The following ARNT2 variants were observed in gnomAD, a reference collection of about 807,000 sequenced individuals.
ARNT2 encodes the protein ARNT protein 2.
ARNT2 carries 36 observed loss-of-function variants against 91.7 expected under a neutral mutation model. That is an observed-to-expected ratio of 0.39 (90% CI 0.30 to 0.52). The LOEUF is 0.52. Among genes scored for constraint, ARNT2 ranks in the 20% least tolerant of loss-of-function variants. ARNT2 has a pLI of 0.72. For missense variants in ARNT2, 775 were observed against 939.3 expected, an observed-to-expected ratio of 0.83 and a Z score of 2.29; for synonymous variants, 365 against 347.1, an observed-to-expected ratio of 1.05 and a Z score of -0.57.
chr15:80,575,028 G>C lies in ARNT2; in HGVS notation c.1431G>C (p.Gly477=). ...TACCAGCCGGTGTTCATGAGGCCGG[G>C]AAGTCCGTGGAAAAGGCGGATGCAA... is the stretch of plus-strand genomic sequence containing the variant. ...PNLPAGVHEA[G]KSVEKADAIF... Residue 477 remains glycine, a synonymous_variant, in exon 14 of 19, where the codon GGG becomes GGC. Transcript: ENST00000303329. 6.2e-7 allele frequency: 1 copy of C among 1,614,234 alleles called. No homozygotes were observed. Among genetic ancestry groups the C allele is most frequent in the Admixed American group, 1.7e-5 (1 of 60,032 alleles).
chr15:80,581,488 C>T, intron 17 of ARNT2, 84 bp downstream of exon 17: 9 of 1,553,638 alleles, frequency 5.8e-6, no homozygotes, highest in Non-Finnish European at 7.9e-6. Context: ...GGCTGAGCTC[C>T]AAGCTCCCAG....
chr15:80,526,999 G>C (rs548199366), intron 8 of ARNT2, among the ~76,000 whole-genome samples: 283 of 152,302 alleles, frequency 1.9e-3, no homozygotes, highest in African/African-American at 6.3e-3. Context: ...TGCCCATGTG[G>C]CATGAGTACA....
chr15:80,573,707 T>C (rs1473119598), intron 12 of ARNT2, among the ~76,000 whole-genome samples: 1 of 152,214 alleles, frequency 6.6e-6, no homozygotes, highest in Non-Finnish European at 1.5e-5. Context: ...TCTTTGAACT[T>C]CAGTTTCTTA....
At chr15:80,516,732 G>T (rs1454887342) in intron 8 of ARNT2, among the ~76,000 whole-genome samples, 1 of 147,962 alleles carries the variant, frequency 6.8e-6, no homozygotes, top group African/African-American at 2.5e-5. Context: ...TTGTTTCTTT[G>T]CCTCTTTTTT....
At chr15:80,419,656 C>A (rs28707200) in intron 1 of ARNT2, among the ~76,000 whole-genome samples, 3,364 of 152,234 alleles carry the variant, frequency 0.022, 83 homozygotes, top group South Asian at 0.063. Flanking sequence ...CCTGGGACAC[C>A]CCTACCTTTT....
intron 5 of ARNT2, among the ~76,000 whole-genome samples, chr15:80,483,781 T>C (rs551910493): frequency 6.6e-6 from 1 of 152,322 alleles, no homozygotes; most frequent in Non-Finnish European, 1.5e-5. Flanking sequence ...TCCTGGAACG[T>C]GTGTGCCTGG....
chr15:80,445,488 G>A (rs1896284012), intron 1 of ARNT2, among the ~76,000 whole-genome samples: 1 of 150,802 alleles, frequency 6.6e-6, no homozygotes, highest in Admixed American at 6.6e-5. Context: ...GGGGTGTGTG[G>A]TGTGTGTGAG....
intron 5 of ARNT2, among the ~76,000 whole-genome samples, chr15:80,483,109 T>C (rs1011734011): frequency 7.9e-5 from 12 of 152,202 alleles, no homozygotes. Flanking sequence ...GTAAAATCTG[T>C]TAAGTGTGTT....
At chr15:80,481,434 G>C (rs1896887172) in intron 5 of ARNT2, among the ~76,000 whole-genome samples, 1 of 152,156 alleles carries the variant, frequency 6.6e-6, no homozygotes, top group Admixed American at 6.5e-5. Flanking sequence ...ATCACAGCTG[G>C]GTGGGTGGCT....
chr15:80,580,376 T>C (rs1898770329), intron 15 of ARNT2, 35 bp from the exon 16 acceptor site: 1 of 1,612,902 alleles, frequency 6.2e-7, no homozygotes, highest in Non-Finnish European at 8.5e-7. Context: ...AAACCAGGTG[T>C]GTCCTCGGGA....
At chr15:80,495,801 C>T (rs1897118683) in intron 5 of ARNT2, among the ~76,000 whole-genome samples, 1 of 152,194 alleles carries the variant, frequency 6.6e-6, no homozygotes, top group African/African-American at 2.4e-5. Context: ...CAGACCCCTC[C>T]TTCCACTTTC....
chr15:80,593,554 C>T, intron 18 of ARNT2, 46 bp from the exon 19 acceptor site: 1 of 1,475,152 alleles, frequency 6.8e-7, no homozygotes, highest in Non-Finnish European at 9.3e-7. Flanking sequence ...AGTGCACGGA[C>T]AGAGGAGCTG....
intron 6 of ARNT2, among the ~76,000 whole-genome samples, chr15:80,512,307 C>A (rs1014612848): frequency 1.3e-5 from 2 of 152,216 alleles, no homozygotes; most frequent in African/African-American, 4.8e-5. Context: ...AATGGCCCTT[C>A]AGGGATTTGA....
chr15:80,473,743 G>C (rs1337047916), intron 4 of ARNT2, among the ~76,000 whole-genome samples: 1 of 152,148 alleles, frequency 6.6e-6, no homozygotes, highest in Non-Finnish European at 1.5e-5. Flanking sequence ...CATTTACAAA[G>C]CTCCCTGGGT....
intron 5 of ARNT2, chr15:80,487,676 C>G (rs1896998304): frequency 1.3e-5 from 2 of 152,276 alleles, no homozygotes; most frequent in Admixed American, 1.3e-4. Flanking sequence ...ACCCTGAAAC[C>G]AGACCAGGGC....
At chr15:80,486,854 C>T (rs1254173736) in intron 5 of ARNT2, among the ~76,000 whole-genome samples, 2 of 152,136 alleles carry the variant, frequency 1.3e-5, no homozygotes, top group Non-Finnish European at 2.9e-5. Flanking sequence ...ATTTGATTTG[C>T]CCCACCATGT....
intron 13 of ARNT2, 119 bp downstream of exon 13, chr15:80,574,339 C>A: frequency 1.0e-6 from 1 of 974,844 alleles, no homozygotes; most frequent in South Asian, 1.4e-5. Context: ...CCCCCCACTA[C>A]AATGGAAAGA....
Position 80,474,884 on chromosome 15 carries a change from C to G in ARNT2, c.409-126C>G, listed in dbSNP as rs139035827. On this transcript the variant is annotated intron_variant, in intron 4 of 18. Coordinates refer to ENST00000303329, the MANE Select transcript of ARNT2 (RefSeq NM_014862.4). Reference sequence around the variant, plus strand: ...TTTCCAGAAACAAAGTTCTCATTTCCCAAACTATTTGTGTACCAGAATAAA... The same window carrying G: ...TTTCCAGAAACAAAGTTCTCATTTCGCAAACTATTTGTGTACCAGAATAAA... The G allele has an allele frequency of 1.5e-3, 1,550 of 1,017,376 alleles. 16 individuals carry two copies. The highest frequency in any genetic ancestry group is 9.2e-3 in the South Asian group (604 of 65,678). 63.0% of individuals were successfully genotyped at this position (1,017,376 alleles called of 1,614,324 possible). A position where few individuals can be genotyped will look rare whatever the true frequency, so the allele number is the denominator to read the frequency against.
intron 3 of ARNT2, among the ~76,000 whole-genome samples, chr15:80,460,908 C>A (rs1174638978): frequency 6.6e-6 from 1 of 152,076 alleles, no homozygotes; most frequent in South Asian, 2.1e-4. Flanking sequence ...GAGAGCTCTG[C>A]CCCACAGAAG....
Sources: allele counts gnomAD v4.1 joint callset (sites outside exome capture counted in the v4.1 genomes callset), GRCh38; gene constraint gnomAD v4.1.1; transcripts MANE v1.5; gene names NCBI Gene and HGNC (gene_info 2026-07-23, HGNC 2026-07-21).